Variants in INHBE observed in about 807,000 individuals in gnomAD.
The protein encoded by INHBE is inhibin beta E chain.
Under a neutral mutation model 27.8 loss-of-function variants are expected in INHBE, and 19 were observed. That is an observed-to-expected ratio of 0.68 (90% confidence interval 0.48 to 1.00). The LOEUF is 1.00. INHBE is among the 50% of genes least tolerant of loss of function. INHBE has a pLI of 0.00. For synonymous variants in INHBE, 196 were observed against 187.2 expected, an observed-to-expected ratio of 1.05 and a Z score of -0.38; for missense variants, 398 against 433.9, an observed-to-expected ratio of 0.92 and a Z score of 0.73.
rs765325146 is a variant in INHBE, at chr12:57,456,878, G to T, written c.*30G>T. ...AGGACCTGGGGCTTTGGAGTGAAGA[G>T]ACCAAGATGAAGTTTCCCAGGCACA... On this transcript the variant is annotated 3_prime_UTR_variant, in exon 2 of 2. Transcript: ENST00000266646. 1 of 1,585,316 alleles carries T rather than the reference G, an allele frequency of 6.3e-7. No individual in the cohort carries two copies. Among genetic ancestry groups the T allele is most frequent in the Admixed American group, 1.8e-5 (1 of 56,890 alleles).
Position 57,455,863 on chromosome 12 carries a change from G to A in INHBE, c.298+29G>A, listed in dbSNP as rs931187513. Reference sequence around the variant, plus strand: ...GGTGAGGGAGAGAGCAACAGGCAAAGAGCAGACAGGGAAAGGGAGGCAGAA... The same window carrying A: ...GGTGAGGGAGAGAGCAACAGGCAAAAAGCAGACAGGGAAAGGGAGGCAGAA... On this transcript the variant is annotated intron_variant, in intron 1 of 1. Transcript: ENST00000266646. 7 of 1,600,806 alleles carry A rather than the reference G, an allele frequency of 4.4e-6. No homozygotes were observed. In the African/African-American group the frequency reaches 9.4e-5, roughly 21 times the overall value.
chr12:57,455,645 C>T lies in INHBE; in HGVS notation c.109C>T (p.Gln37Ter), dbSNP rs1037487696. ...CTGTGGGGGCTCCAAACTGGCACCC[C>T]AAGCAGAACGAGCTCTGGTGCTGGA... ...PSCGGSKLAP[Q>*]AERALVLELA... The change falls in exon 1 of 2, where the codon CAA (glutamine) becomes TAA (stop). Residue 37 changes from glutamine (Q) to a stop codon, truncating the protein, a stop_gained. Transcript: ENST00000266646. LOFTEE classifies it high-confidence loss of function. 3 of 1,614,090 alleles carry T rather than the reference C, an allele frequency of 1.9e-6. No individual in the cohort carries two copies. The highest frequency in any genetic ancestry group is 2.5e-6 in the Non-Finnish European group (3 of 1,180,010).
At chr12:57,455,863 G>C (rs931187513) in intron 1 of INHBE, 29 bp downstream of exon 1, 1 of 1,600,924 alleles carries the variant, frequency 6.2e-7, no homozygotes, top group East Asian at 2.2e-5. Context: ...AACAGGCAAA[G>C]AGCAGACAGG....
rs191305491 is a variant in INHBE at position 57,455,619 on chromosome 12, C to T, written c.83C>T (p.Ser28Phe). 52 of 1,614,070 alleles carry T rather than the reference C, an allele frequency of 3.2e-5. No individual in the cohort carries two copies. The highest frequency in any genetic ancestry group is 1.6e-4 in the Middle Eastern group (1 of 6,062). Residue 28 changes from serine to phenylalanine, a missense_variant, in exon 1 of 2, where the codon TCC becomes TTC. Transcript: ENST00000266646. ...RAQGTGSVCP[S>F]CGGSKLAPQA... is the part of the protein sequence containing the mutation. Reference sequence around the variant, plus strand: ...CAGGGGACAGGGTCTGTGTGTCCCTCCTGTGGGGGCTCCAAACTGGCACCC... The same window carrying T: ...CAGGGGACAGGGTCTGTGTGTCCCTTCTGTGGGGGCTCCAAACTGGCACCC...
At chr12:57,455,985 C>T (rs507562) in intron 1 of INHBE, 109 bp from the exon 2 acceptor site, 4 of 1,434,614 alleles carry the variant, frequency 2.8e-6, no homozygotes, top group African/African-American at 1.4e-5. Flanking sequence ...GCAGTCTCTA[C>T]TTTTCTAGAG....
At position 57,456,207 on chromosome 12, in the gene INHBE, CTT is replaced by C; in HGVS notation, c.414_415del (p.Cys139LeufsTer21). On this transcript the variant is annotated frameshift_variant, in exon 2 of 2. Coordinates refer to ENST00000266646, the MANE Select transcript of INHBE (RefSeq NM_031479.5). LOFTEE classifies it high-confidence loss of function. ...LHVLPTLPGT[L>X]CLRIFRWGPR... is the part of the protein sequence containing the mutation. ...CGTGCTCCCCACCCTTCCTGGCACT[CTT>C]TGCTTGAGGATCTTCCGATGGGGAC... The C allele has an allele frequency of 6.2e-7, 1 of 1,614,156 alleles. No individual in the cohort carries two copies. The highest frequency in any genetic ancestry group is 1.1e-5 in the South Asian group (1 of 91,078).
In INHBE at chr12:57,457,229, TG is replaced by T. The variant is rs1870857815; in HGVS notation, c.*383del. 3 of 204,994 alleles carry T rather than the reference TG, an allele frequency of 1.5e-5. No individual in the cohort carries two copies. In the Admixed American group the frequency reaches 1.6e-4, roughly 11 times the overall value. 12.7% of individuals were successfully genotyped at this position (204,994 alleles called of 1,614,324 possible). A position where few individuals can be genotyped will look rare whatever the true frequency, so the allele number is the denominator to read the frequency against. On this transcript the variant is annotated 3_prime_UTR_variant, in exon 2 of 2. Coordinates refer to ENST00000266646, the MANE Select transcript of INHBE (RefSeq NM_031479.5). ...GTGAGGGGAGGAGGAAGCAGATAGATGGTCCAGCAGGCTTGAAGCAGGGTAA... is the reference window on the plus strand; with the variant it reads ...GTGAGGGGAGGAGGAAGCAGATAGATGTCCAGCAGGCTTGAAGCAGGGTAA...
Position 57,457,197 on chromosome 12 carries a change from T to G in INHBE, c.*349T>G. On this transcript the variant is annotated 3_prime_UTR_variant, in exon 2 of 2. Transcript: ENST00000266646. Reference sequence around the variant, plus strand: ...CTTAGCCTCTCCCAAGATGAGAAAGTCCTCAAGTGAGGGGAGGAGGAAGCA... The same window carrying G: ...CTTAGCCTCTCCCAAGATGAGAAAGGCCTCAAGTGAGGGGAGGAGGAAGCA... 8.4e-6 allele frequency: 2 copies of G among 237,368 alleles called. No homozygotes were observed. The highest frequency in any genetic ancestry group is 7.1e-5 in the South Asian group (1 of 14,172). The allele number at this position is 237,368 out of a possible 1,614,324, so 14.7% of individuals were successfully genotyped here.
chr12:57,455,628 G>T lies in INHBE; in HGVS notation c.92G>T (p.Gly31Val). ...GTGSVCPSCG[G>V]SKLAPQAERA... ...GGGTCTGTGTGTCCCTCCTGTGGGGGCTCCAAACTGGCACCCCAAGCAGAA... is the reference window on the plus strand; with the variant it reads ...GGGTCTGTGTGTCCCTCCTGTGGGGTCTCCAAACTGGCACCCCAAGCAGAA... The change falls in exon 1 of 2, where the codon GGC (glycine) becomes GTC (valine). Residue 31 changes from glycine to valine, a missense_variant. By Grantham distance (109) the Gly-to-Val change is moderately radical. Coordinates refer to ENST00000266646, the MANE Select transcript of INHBE (RefSeq NM_031479.5). 6.2e-7 allele frequency: 1 copy of T among 1,614,056 alleles called. No individual in the cohort carries two copies. Among genetic ancestry groups the T allele is most frequent in the Non-Finnish European group, 8.5e-7 (1 of 1,179,994 alleles).
rs547130959 is a variant in INHBE at position 57,457,345 on chromosome 12, G to A, written c.*497G>A. 6.5e-6 allele frequency: 1 copy of A among 154,652 alleles called. No homozygotes were observed. The highest frequency in any genetic ancestry group is 2.4e-5 in the African/African-American group (1 of 41,546). The allele number at this position is 154,652 out of a possible 1,614,324, so 9.6% of individuals were successfully genotyped here. A position where few individuals can be genotyped will look rare whatever the true frequency, so the allele number is the denominator to read the frequency against. On this transcript the variant is annotated 3_prime_UTR_variant, in exon 2 of 2. Coordinates refer to ENST00000266646, the MANE Select transcript of INHBE (RefSeq NM_031479.5). ...AGGCGCTGAGGGAGGATGCTTAGGGGACCCCCAGAAACAGGAGTCAGGAAA... is the reference window on the plus strand; with the variant it reads ...AGGCGCTGAGGGAGGATGCTTAGGGAACCCCCAGAAACAGGAGTCAGGAAA...
Position 57,456,138 on chromosome 12 carries a change from A to G in INHBE, c.343A>G (p.Thr115Ala), listed in dbSNP as rs139176331. 175 of 1,612,826 alleles carry G rather than the reference A, an allele frequency of 1.1e-4. No homozygotes were observed. The East Asian group carries it at 3.1e-3, about 29-fold the overall frequency. Residue 115 changes from threonine (T) to alanine (A), a missense_variant, in exon 2 of 2, where the codon ACT (threonine) becomes GCT (alanine). Coordinates refer to ENST00000266646, the MANE Select transcript of INHBE (RefSeq NM_031479.5). ...YSSLLTFHLS[T>A]PRSHHLYHAR... is the part of the protein sequence containing the mutation. Reference sequence around the variant, plus strand: ...CTCCCTGCTCACTTTTCACCTGTCCACTCCTCGGTCCCACCACCTGTACCA... The same window carrying G: ...CTCCCTGCTCACTTTTCACCTGTCCGCTCCTCGGTCCCACCACCTGTACCA...
In INHBE at chr12:57,456,657, C is replaced by A; in HGVS notation, c.862C>A (p.Pro288Thr). 1 of 1,614,208 alleles carries A rather than the reference C, an allele frequency of 6.2e-7. No homozygotes were observed. Among genetic ancestry groups the A allele is most frequent in the Non-Finnish European group, 8.5e-7 (1 of 1,180,042 alleles). The change falls in exon 2 of 2, where the codon CCA (proline) becomes ACA (threonine). Residue 288 changes from proline to threonine, a missense_variant. By Grantham distance (38) the Pro-to-Thr change is conservative. Coordinates refer to ENST00000266646, the MANE Select transcript of INHBE (RefSeq NM_031479.5). ...GTGCCCTCCCCACCTGGCTGGCAGC[C>A]CAGGCATTGCTGCCTCTTTCCATTC... The part of the protein sequence containing the change: ...GQCPPHLAGS[P>T]GIAASFHSAV...
Position 57,457,088 on chromosome 12 carries a change from C to A in INHBE, c.*240C>A. 1 of 491,468 alleles carries A rather than the reference C, an allele frequency of 2.0e-6. No individual in the cohort carries two copies. The highest frequency in any genetic ancestry group is 3.6e-6 in the Non-Finnish European group (1 of 276,908). 30.4% of individuals were successfully genotyped at this position (491,468 alleles called of 1,614,324 possible). A position where few individuals can be genotyped will look rare whatever the true frequency, so the allele number is the denominator to read the frequency against. ...AAGCGTTTCTTCTAAAGGGGTCTAC[C>A]CAGAAAGCATGATTTCCTGCCCTAA... On this transcript the variant is annotated 3_prime_UTR_variant, in exon 2 of 2. Transcript: ENST00000266646.
chr12:57,456,028 G>T, intron 1 of INHBE, 66 bp from the exon 2 acceptor site: 1 of 1,537,108 alleles, frequency 6.5e-7, no homozygotes, highest in South Asian at 1.2e-5. Context: ...GGCAGGGCTT[G>T]GGGAGTCTCA....
Position 57,456,664 on chromosome 12 carries a change from T to TTGC in INHBE, c.873_875dup (p.Ala292dup). 6.2e-7 allele frequency: 1 copy of TTGC among 1,614,230 alleles called. No individual in the cohort carries two copies. The highest frequency in any genetic ancestry group is 8.5e-7 in the Non-Finnish European group (1 of 1,180,042). ...CCCCACCTGGCTGGCAGCCCAGGCA[T>TTGC]TGCTGCCTCTTTCCATTCTGCCGTC... On this transcript the variant is annotated inframe_insertion, in exon 2 of 2. Transcript: ENST00000266646.
Position 57,456,079 on chromosome 12 carries a change from C to A in INHBE, c.299-15C>A. 1 of 1,594,678 alleles carries A rather than the reference C, an allele frequency of 6.3e-7. No homozygotes were observed. The highest frequency in any genetic ancestry group is 1.1e-5 in the South Asian group (1 of 88,458). ...TCTACTCACATTTTCTTTCCCTTTTCTGTCTTTCGGGCAGACTCCACTTCA... is the reference window on the plus strand; with the variant it reads ...TCTACTCACATTTTCTTTCCCTTTTATGTCTTTCGGGCAGACTCCACTTCA... On this transcript the variant is annotated splice_polypyrimidine_tract_variant and intron_variant, in intron 1 of 1. Coordinates refer to ENST00000266646, the MANE Select transcript of INHBE (RefSeq NM_031479.5).
rs571755879 is a variant in INHBE at position 57,456,600 on chromosome 12, G to A, written c.805G>A (p.Glu269Lys). The A allele has an allele frequency of 5.6e-6, 9 of 1,614,142 alleles. No individual in the cohort carries two copies. The highest frequency in any genetic ancestry group is 1.7e-5 in the Admixed American group (1 of 60,018). Residue 269 changes from glutamate (E) to lysine (K), a missense_variant, in exon 2 of 2, where the codon GAG (glutamate) becomes AAG (lysine). By Grantham distance (56) the Glu-to-Lys change is moderately conservative (BLOSUM62 1). Transcript: ENST00000266646. ...ATGGCGGGACTGGATACTGCAGCCC[G>A]AGGGGTACCAGCTGAATTACTGCAG... ...LGWRDWILQP[E>K]GYQLNYCSGQ...
chr12:57,457,910 A>G lies in INHBE; in HGVS notation c.*1062A>G, dbSNP rs73344064. On this transcript the variant is annotated 3_prime_UTR_variant, in exon 2 of 2. Coordinates refer to ENST00000266646, the MANE Select transcript of INHBE (RefSeq NM_031479.5). ...ATTTTCATAATAATACTAACATGTT[A>G]TTTGCCTTTTGAATTCTCATTATCT... 8.5e-5 allele frequency: 13 copies of G among 152,250 alleles called. No homozygotes were observed. Among genetic ancestry groups the G allele is most frequent in the African/African-American group, 3.1e-4 (13 of 41,532 alleles). The allele number at this position is 152,250 out of a possible 1,614,324, so 9.4% of individuals were successfully genotyped here.
At position 57,456,466 on chromosome 12, in the gene INHBE, G is replaced by A. The variant is rs201477879; in HGVS notation, c.671G>A (p.Arg224Gln). 152 of 1,614,100 alleles carry A rather than the reference G, an allele frequency of 9.4e-5. No homozygotes were observed. The highest frequency in any genetic ancestry group is 5.7e-4 in the Admixed American group (34 of 60,008). ...CAGCCCTTCCTAGAGCTTAAGATCC[G>A]AGCCAATGAGCCTGGAGCAGGCCGG... ...HQQPFLELKI[R>Q]ANEPGAGRAR... The change falls in exon 2 of 2, where the codon CGA becomes CAA. Residue 224 changes from arginine (R) to glutamine (Q), a missense_variant. Arg to Gln is a conservative substitution (Grantham distance 43, BLOSUM62 1). Transcript: ENST00000266646.
Sources: allele counts gnomAD v4.1 joint callset, GRCh38; gene constraint gnomAD v4.1.1; transcripts MANE v1.5; gene names NCBI Gene and HGNC (gene_info 2026-07-23, HGNC 2026-07-21).